RBMS3: variants seen among roughly 807,000 people sequenced by gnomAD.
RBMS3 encodes RNA-binding motif, single-stranded-interacting protein 3.
RBMS3 carries 27 observed loss-of-function variants against 66.8 expected under a neutral mutation model. The observed-to-expected ratio is 0.40, with a 90% CI of 0.30 to 0.56. The LOEUF (loss-of-function observed/expected upper bound fraction) is 0.56. Ranked by LOEUF, RBMS3 falls within the 20% of genes least tolerant of loss-of-function variation. RBMS3 has a pLI of 0.40. For synonymous variants in RBMS3, 188 were observed against 183.0 expected, an observed-to-expected ratio of 1.03 and a Z score of -0.22; for missense variants, 513 against 549.5, an observed-to-expected ratio of 0.93 and a Z score of 0.66.
intron 1 of RBMS3, among the ~76,000 whole-genome samples, chr3:29,294,668 T>G (rs925153531): frequency 6.6e-6 from 1 of 151,726 alleles, no homozygotes; most frequent in African/African-American, 2.4e-5. Flanking sequence ...ATATCAGCCC[T>G]TATATGTGGC....
chr3:29,546,225 G>A (rs192854097), intron 3 of RBMS3, among the ~76,000 whole-genome samples: 1 of 151,522 alleles, frequency 6.6e-6, no homozygotes, highest in East Asian at 2.0e-4. Context: ...TAATCTTCAT[G>A]ACAACCCTAC....
At chr3:29,347,780 G>A (rs1383086793) in intron 1 of RBMS3, among the ~76,000 whole-genome samples, 3 of 152,182 alleles carry the variant, frequency 2.0e-5, no homozygotes, top group Non-Finnish European at 4.4e-5. Flanking sequence ...ACTCGCCGTG[G>A]CAGCACCCTT....
At chr3:29,992,180 A>T (rs1215215495) in intron 14 of RBMS3, among the ~76,000 whole-genome samples, 2 of 152,208 alleles carry the variant, frequency 1.3e-5, no homozygotes. Flanking sequence ...TCCGTTATTT[A>T]AAATAATTTT....
At chr3:29,601,623 A>G (rs74697608) in intron 4 of RBMS3, among the ~76,000 whole-genome samples, 2,819 of 152,178 alleles carry the variant, frequency 0.019, 44 homozygotes, top group Admixed American at 0.031. Flanking sequence ...CGAGTATTAA[A>G]AAACAGACTA....
At position 29,380,971 on chromosome 3, in the gene RBMS3, A is replaced by T. The variant is rs960476308; in HGVS notation, c.76-53772A>T. ...ATTCAAAAGTAATGCTCTAAACTAC[A>T]TGCTGTGCCACCGTAGATGAAATAA... On this transcript the variant is annotated intron_variant, in intron 1 of 14. Transcript: ENST00000383767. Among the ~76,000 whole-genome samples the T allele has an allele frequency of 4.6e-5, 7 of 152,172 alleles. No individual in the cohort carries two copies. In the East Asian group the frequency reaches 1.3e-3, roughly 29 times the overall value.
intron 1 of RBMS3, among the ~76,000 whole-genome samples, chr3:29,362,227 G>T (rs185046617): frequency 3.4e-4 from 52 of 152,232 alleles, no homozygotes; most frequent in Admixed American, 3.0e-3. Context: ...TGGGGTTTTG[G>T]TGTGGATGTC....
chr3:29,836,337 G>T (rs1000975314), intron 6 of RBMS3, among the ~76,000 whole-genome samples: 1 of 151,936 alleles, frequency 6.6e-6, no homozygotes, highest in Admixed American at 6.6e-5. Flanking sequence ...CAATATCTCT[G>T]ATAAACATAG....
chr3:29,516,852 A>G (rs1437293697), intron 3 of RBMS3, among the ~76,000 whole-genome samples: 1 of 152,194 alleles, frequency 6.6e-6, no homozygotes, highest in Non-Finnish European at 1.5e-5. Flanking sequence ...GAATGAAAGG[A>G]GATGTTGAGT....
intron 1 of RBMS3, among the ~76,000 whole-genome samples, chr3:29,314,744 G>T (rs966576942): frequency 1.3e-5 from 2 of 151,726 alleles, no homozygotes; most frequent in African/African-American, 4.8e-5. Flanking sequence ...TATTTAAATT[G>T]TGTCCCAATT....
At chr3:29,365,349 A>T (rs1338670564) in intron 1 of RBMS3, among the ~76,000 whole-genome samples, 1 of 152,068 alleles carries the variant, frequency 6.6e-6, no homozygotes, top group Non-Finnish European at 1.5e-5. Flanking sequence ...AAAATTTTTT[A>T]GATATTGCCA....
chr3:29,837,868 G>A (rs867464307), intron 6 of RBMS3, among the ~76,000 whole-genome samples: 92 of 151,070 alleles, frequency 6.1e-4, no homozygotes, highest in African/African-American at 1.9e-3. Flanking sequence ...TATAAACACA[G>A]AAAAATGCTA....
At chr3:29,637,665 T>G (rs964934599) in intron 4 of RBMS3, among the ~76,000 whole-genome samples, 7 of 152,040 alleles carry the variant, frequency 4.6e-5, no homozygotes, top group Admixed American at 2.0e-4. Flanking sequence ...GGCAGCTTAA[T>G]GGACTTTATA....
At chr3:29,402,509 G>C (rs1269132511) in intron 1 of RBMS3, among the ~76,000 whole-genome samples, 1 of 152,050 alleles carries the variant, frequency 6.6e-6, no homozygotes, top group Non-Finnish European at 1.5e-5. Flanking sequence ...AAATTATCTA[G>C]TAGTTATGAA....
At chr3:29,790,203 TA>T (rs2056955221) in intron 6 of RBMS3, among the ~76,000 whole-genome samples, 1 of 152,184 alleles carries the variant, frequency 6.6e-6, no homozygotes, top group South Asian at 2.1e-4. Flanking sequence ...AGGACGACTT[TA>T]AAAATCTATT....
chr3:29,288,244 C>T (rs996334150), intron 1 of RBMS3, among the ~76,000 whole-genome samples: 5 of 151,968 alleles, frequency 3.3e-5, no homozygotes, highest in South Asian at 4.1e-4. Flanking sequence ...CAGGTGACCT[C>T]GGTTTTGTGT....
At chr3:29,663,589 T>C (rs1448200051) in intron 4 of RBMS3, among the ~76,000 whole-genome samples, 1 of 152,134 alleles carries the variant, frequency 6.6e-6, no homozygotes, top group Non-Finnish European at 1.5e-5. Context: ...AGGATTAAAT[T>C]GATGAATTAA....
intron 1 of RBMS3, among the ~76,000 whole-genome samples, chr3:29,308,939 A>G (rs559978568): frequency 6.0e-4 from 91 of 151,866 alleles, no homozygotes; most frequent in South Asian, 1.2e-3. Context: ...TTATCTAACA[A>G]TGATTTCAAG....
chr3:29,346,547 G>A (rs1158701406), intron 1 of RBMS3, among the ~76,000 whole-genome samples: 1 of 151,764 alleles, frequency 6.6e-6, no homozygotes, highest in East Asian at 1.9e-4. Context: ...GGGATTACAG[G>A]TGCCGACCAC....
At chr3:29,646,407 A>G (rs2049922540) in intron 4 of RBMS3, among the ~76,000 whole-genome samples, 1 of 152,216 alleles carries the variant, frequency 6.6e-6, no homozygotes, top group Non-Finnish European at 1.5e-5. Context: ...CAGAAGGTGC[A>G]CACTTGTAAT....
Sources: gnomAD v4.1 joint callset for allele counts (sites outside exome capture counted in the v4.1 genomes callset) on GRCh38, gnomAD v4.1.1 for gene constraint, MANE v1.5 for transcripts, NCBI Gene and HGNC (gene_info 2026-07-23, HGNC 2026-07-21) for gene names.